Variants in FAM83F observed in about 807,000 individuals in gnomAD.
FAM83F encodes the protein protein FAM83F.
FAM83F carries 45 observed loss-of-function variants against 42.9 expected under a neutral mutation model. The observed-to-expected ratio is 1.05, with a 90% confidence interval of 0.83 to 1.35. The LOEUF (loss-of-function observed/expected upper bound fraction) is 1.35. Among genes scored for constraint, FAM83F ranks in the 40% most tolerant of loss-of-function variants. The probability of loss-of-function intolerance (pLI) is 0.00; values close to 1 mark genes in which losing one functional copy is unlikely to be tolerated. For missense variants in FAM83F, 617 were observed against 695.9 expected, an observed-to-expected ratio of 0.89 and a Z score of 1.28; for synonymous variants, 306 against 298.3, an observed-to-expected ratio of 1.03 and a Z score of -0.27.
chr22:40,021,844 G>T lies in FAM83F; in HGVS notation c.1334G>T (p.Arg445Leu), dbSNP rs866631456. Residue 445 changes from arginine to leucine, a missense_variant, in exon 4 of 5, where the codon CGC becomes CTC. Physicochemically the swap from Arg to Leu is moderately radical, Grantham distance 102. Coordinates refer to ENST00000333407, the MANE Select transcript of FAM83F (RefSeq NM_138435.4). This position sits in a 1 kb window ranked among gnomAD's most constrained non-coding sequence, Gnocchi z 8.7. ...CGCTTCAGCAGCAGGCTCTTCAGTCGCCGAGCCAAGAGGCCTGCGGCGCCC... is the reference window on the plus strand; with the variant it reads ...CGCTTCAGCAGCAGGCTCTTCAGTCTCCGAGCCAAGAGGCCTGCGGCGCCC... ...ARRFSSRLFSRRAKRPAAPNG... is the reference protein window; with the variant it reads ...ARRFSSRLFSLRAKRPAAPNG... The T allele has an allele frequency of 5.0e-6, 8 of 1,612,284 alleles. No homozygotes were observed. In the Admixed American group the frequency reaches 6.7e-5, roughly 13 times the overall value.
intron 1 of FAM83F, among the ~76,000 whole-genome samples, chr22:40,002,511 TA>T (rs1287455524): frequency 6.6e-6 from 1 of 152,168 alleles, no homozygotes; most frequent in African/African-American, 2.4e-5. Flanking sequence ...AGGTTCACGG[TA>T]GCAAAGCCAG....
chr22:40,000,636 A>G (rs941241810), intron 1 of FAM83F, among the ~76,000 whole-genome samples: 1 of 152,174 alleles, frequency 6.6e-6, no homozygotes, highest in African/African-American at 2.4e-5. Flanking sequence ...AAAAGTATGT[A>G]ATTTTTAAAA....
At chr22:40,006,473 A>G (rs2067429586) in intron 1 of FAM83F, among the ~76,000 whole-genome samples, 1 of 152,204 alleles carries the variant, frequency 6.6e-6, no homozygotes, top group African/African-American at 2.4e-5. Context: ...TAGGGAAGGC[A>G]CACACTACAC....
Position 40,021,156 on chromosome 22 carries a change from C to T in FAM83F, c.780-134C>T, listed in dbSNP as rs2067517574. 2.2e-5 allele frequency: 23 copies of T among 1,043,220 alleles called. No individual in the cohort carries two copies. In the South Asian group the frequency reaches 5.3e-4, roughly 24 times the overall value. The allele number at this position is 1,043,220 out of a possible 1,614,324, so 64.6% of individuals were successfully genotyped here. On this transcript the variant is annotated intron_variant, in intron 3 of 4. Transcript: ENST00000333407. This position sits in a 1 kb window ranked among gnomAD's most constrained non-coding sequence, Gnocchi z 8.7. ...TACGGGTGGGTGGAGGGAATCAGTC[C>T]AGCGTGTGGCCCACAAGGAGCCGTA...
intron 1 of FAM83F, among the ~76,000 whole-genome samples, chr22:40,015,815 C>G (rs186444420): frequency 6.6e-6 from 1 of 152,324 alleles, no homozygotes; most frequent in African/African-American, 2.4e-5. Flanking sequence ...TCTCATTTAT[C>G]TCATGTCTTA....
At position 40,029,078 on chromosome 22, in the gene FAM83F, GACGTGTGT is replaced by G. The variant is rs1455463070; in HGVS notation, c.1454-437_1454-430del. On this transcript the variant is annotated intron_variant, in intron 4 of 4. Coordinates refer to ENST00000333407, the MANE Select transcript of FAM83F (RefSeq NM_138435.4). ...CTGGTAGTGAGCGGCCTCTTGGCTAGACGTGTGTGTGTGTGTGTGTGTGTGTGTGTGTG... is the reference window on the plus strand; with the variant it reads ...CTGGTAGTGAGCGGCCTCTTGGCTAGGTGTGTGTGTGTGTGTGTGTGTGTG... Among the ~76,000 whole-genome samples the G allele has an allele frequency of 2.9e-3, 387 of 135,338 alleles. 3 individuals are homozygous for G. Among genetic ancestry groups the G allele is most frequent in the African/African-American group, 0.01 (370 of 35,478 alleles). 88.8% of individuals were successfully genotyped at this position (135,338 alleles called of 152,430 possible).
intron 1 of FAM83F, among the ~76,000 whole-genome samples, chr22:40,001,455 A>T (rs534925281): frequency 6.6e-6 from 1 of 152,142 alleles, no homozygotes; most frequent in Non-Finnish European, 1.5e-5. Context: ...CCTGGGCAAC[A>T]TGGCAAATCC....
At position 39,995,468 on chromosome 22, in the gene FAM83F, C is replaced by A; in HGVS notation, c.426C>A (p.Pro142=). 6.4e-7 allele frequency: 1 copy of A among 1,574,746 alleles called. No homozygotes were observed. The highest frequency in any genetic ancestry group is 1.8e-5 in the Admixed American group (1 of 55,346). ...VSRVTLFTHP[P]KDEKAPHLKQ... ...GGGTCACGCTCTTCACCCACCCGCCCAAGGACGAGAAGGCGCCGCACCTCA... is the reference window on the plus strand; with the variant it reads ...GGGTCACGCTCTTCACCCACCCGCCAAAGGACGAGAAGGCGCCGCACCTCA... The change falls in exon 1 of 5, where the codon CCC becomes CCA. Residue 142 remains proline, a synonymous_variant. Coordinates refer to ENST00000333407, the MANE Select transcript of FAM83F (RefSeq NM_138435.4). The surrounding 1 kb of genome is among the most constrained non-coding windows in gnomAD (Gnocchi z 4.6).
intron 1 of FAM83F, among the ~76,000 whole-genome samples, chr22:40,013,138 A>G (rs2067476312): frequency 6.7e-6 from 1 of 150,036 alleles, no homozygotes; most frequent in African/African-American, 2.4e-5. Context: ...TTATTAGCGT[A>G]ATTTTATTTG....
intron 1 of FAM83F, among the ~76,000 whole-genome samples, chr22:39,997,712 C>T (rs934328424): frequency 4.6e-5 from 7 of 152,120 alleles, no homozygotes; most frequent in Non-Finnish European, 8.8e-5. Context: ...GTTTGATTGG[C>T]AGGTAAAAAG....
intron 1 of FAM83F, among the ~76,000 whole-genome samples, chr22:40,003,675 C>G (rs901939007): frequency 6.6e-6 from 1 of 152,146 alleles, no homozygotes; most frequent in Non-Finnish European, 1.5e-5. Flanking sequence ...TTCCCAGTTT[C>G]CTTGTTCATT....
Position 40,032,186 on chromosome 22 carries a change from A to T in FAM83F, c.*2621A>T, listed in dbSNP as rs1399800891. On this transcript the variant is annotated 3_prime_UTR_variant, in exon 5 of 5. Transcript: ENST00000333407. Reference sequence around the variant, plus strand: ...CTGCACCCCCCTCCCACCCCACACCACCACCAAGCTGCTGTCTTTCTGAGT... The same window carrying T: ...CTGCACCCCCCTCCCACCCCACACCTCCACCAAGCTGCTGTCTTTCTGAGT... The T allele has an allele frequency of 7.9e-6, 1 of 126,778 alleles. No individual in the cohort carries two copies. Among genetic ancestry groups the T allele is most frequent in the Non-Finnish European group, 1.7e-5 (1 of 60,390 alleles). 7.9% of individuals were successfully genotyped at this position (126,778 alleles called of 1,614,324 possible).
Position 39,995,248 on chromosome 22 carries a change from C to T in FAM83F, c.206C>T (p.Ala69Val). 1 of 1,534,532 alleles carries T rather than the reference C, an allele frequency of 6.5e-7. No individual in the cohort carries two copies. Among genetic ancestry groups the T allele is most frequent in the Non-Finnish European group, 8.7e-7 (1 of 1,145,792 alleles). The change falls in exon 1 of 5, where the codon GCC becomes GTC. Residue 69 changes from alanine (A) to valine (V), a missense_variant. Coordinates refer to ENST00000333407, the MANE Select transcript of FAM83F (RefSeq NM_138435.4). This position sits in a 1 kb window ranked among gnomAD's most constrained non-coding sequence, Gnocchi z 4.6. ...AGCCCGGAGCGCCAGGCCCTGCGGG[C>T]CGCCTGGAGCCCCTACGAGGACGCC... ...LSSPERQALRAAWSPYEDAVP... is the reference protein window; with the variant it reads ...LSSPERQALRVAWSPYEDAVP...
chr22:40,001,962 G>C (rs1031634151), intron 1 of FAM83F, among the ~76,000 whole-genome samples: 1 of 152,154 alleles, frequency 6.6e-6, no homozygotes, highest in Non-Finnish European at 1.5e-5. Context: ...CCTCCCAGCC[G>C]CTCACTGTAT....
intron 4 of FAM83F, among the ~76,000 whole-genome samples, chr22:40,026,288 A>AG (rs2067552126): frequency 6.6e-6 from 1 of 152,170 alleles, no homozygotes. Flanking sequence ...TTGGAGGCCT[A>AG]GGTGGGCAGA....
intron 1 of FAM83F, among the ~76,000 whole-genome samples, chr22:39,999,373 C>T (rs1335981572): frequency 6.6e-6 from 1 of 152,118 alleles, no homozygotes; most frequent in Non-Finnish European, 1.5e-5. Flanking sequence ...ATTTAGAGAA[C>T]GTTGCCTTGT....
chr22:39,999,925 T>C (rs2067390532), intron 1 of FAM83F, among the ~76,000 whole-genome samples: 1 of 152,222 alleles, frequency 6.6e-6, no homozygotes, highest in Non-Finnish European at 1.5e-5. Flanking sequence ...ATTTTGTCAA[T>C]TTAATTTTCA....
intron 1 of FAM83F, among the ~76,000 whole-genome samples, chr22:40,008,630 G>C (rs193252641): frequency 1.8e-4 from 28 of 152,316 alleles, no homozygotes; most frequent in Admixed American, 1.3e-3. Flanking sequence ...TGACCTGAGT[G>C]GGGGTGGAAG....
At chr22:40,004,505 G>T (rs887493776) in intron 1 of FAM83F, among the ~76,000 whole-genome samples, 12 of 152,034 alleles carry the variant, frequency 7.9e-5, no homozygotes, top group African/African-American at 2.9e-4. Flanking sequence ...GTTTCACCAT[G>T]TTGCCCAGGC....
Sources: allele counts gnomAD v4.1 joint callset (sites outside exome capture counted in the v4.1 genomes callset), GRCh38; gene constraint gnomAD v4.1.1; non-coding constraint Gnocchi (gnomAD v3.1); transcripts MANE v1.5; gene names NCBI Gene and HGNC (gene_info 2026-07-23, HGNC 2026-07-21).